The following CTNNA3 variants were observed in gnomAD, a reference collection of about 807,000 sequenced individuals.
CTNNA3 encodes the protein catenin alpha-3.
In CTNNA3, 76 loss-of-function variants were observed where a neutral mutation model predicts 95.7. The observed-to-expected ratio is 0.79, with a 90% CI of 0.66 to 0.96. The LOEUF (loss-of-function observed/expected upper bound fraction) is 0.96. Among genes scored for constraint, CTNNA3 ranks in the 40% least tolerant of loss-of-function variants. The pLI is 0.00. For synonymous variants in CTNNA3, 431 were observed against 374.4 expected, an observed-to-expected ratio of 1.15 and a Z score of -1.74; for missense variants, 1,191 against 1,089.8, an observed-to-expected ratio of 1.09 and a Z score of -1.31.
At chr10:66,844,812 G>T (rs1843189191) in intron 7 of CTNNA3, among the ~76,000 whole-genome samples, 1 of 152,072 alleles carries the variant, frequency 6.6e-6, no homozygotes, top group Non-Finnish European at 1.5e-5. Context: ...ACAAACACTT[G>T]TTTGCAATAT....
intron 3 of CTNNA3, among the ~76,000 whole-genome samples, chr10:67,590,698 C>A (rs1189042091): frequency 2.0e-4 from 30 of 151,960 alleles, no homozygotes; most frequent in Admixed American, 2.0e-3. Flanking sequence ...CTGTGAAATT[C>A]TTTTCGGGCC....
intron 9 of CTNNA3, among the ~76,000 whole-genome samples, chr10:66,684,544 T>A (rs1349286707): frequency 6.6e-6 from 1 of 152,176 alleles, no homozygotes; most frequent in Non-Finnish European, 1.5e-5. Flanking sequence ...GTGCTTTCTT[T>A]TTCAGCAGTC....
chr10:67,125,033 C>T (rs1859652165), intron 7 of CTNNA3, among the ~76,000 whole-genome samples: 1 of 152,202 alleles, frequency 6.6e-6, no homozygotes, highest in Admixed American at 6.5e-5. Context: ...TCTGCTGGAA[C>T]TGCAGTGCCT....
At chr10:66,489,971 A>T (rs1839867649) in intron 11 of CTNNA3, among the ~76,000 whole-genome samples, 1 of 152,212 alleles carries the variant, frequency 6.6e-6, no homozygotes, top group Non-Finnish European at 1.5e-5. Flanking sequence ...TTTTGAGTAA[A>T]CAATGTTGGC....
At chr10:66,367,781 C>T (rs1209160644) in intron 12 of CTNNA3, among the ~76,000 whole-genome samples, 1 of 147,838 alleles carries the variant, frequency 6.8e-6, no homozygotes, top group Non-Finnish European at 1.5e-5. Flanking sequence ...CAGAGGATAG[C>T]GAATTGCTTT....
At chr10:67,546,744 A>G (rs1209857583) in intron 3 of CTNNA3, among the ~76,000 whole-genome samples, 1 of 152,216 alleles carries the variant, frequency 6.6e-6, no homozygotes, top group East Asian at 1.9e-4. Context: ...TTCTTGATGT[A>G]AATTTAATTC....
chr10:66,901,630 C>A (rs531738120), intron 7 of CTNNA3, among the ~76,000 whole-genome samples: 1 of 152,188 alleles, frequency 6.6e-6, no homozygotes, highest in South Asian at 2.1e-4. Context: ...TTCAGGAGAC[C>A]CACCTCATGT....
At chr10:67,536,088 T>G (rs1840478883) in intron 4 of CTNNA3, among the ~76,000 whole-genome samples, 4 of 151,958 alleles carry the variant, frequency 2.6e-5, no homozygotes, top group Admixed American at 1.3e-4. Context: ...GACTGAAAAT[T>G]TCAGCAGGAA....
chr10:66,973,787 C>A (rs1213404261), intron 7 of CTNNA3, among the ~76,000 whole-genome samples: 1 of 152,070 alleles, frequency 6.6e-6, no homozygotes, highest in East Asian at 1.9e-4. Context: ...CCATGCCCAG[C>A]TAATTTTTTG....
intron 5 of CTNNA3, among the ~76,000 whole-genome samples, chr10:67,466,367 A>G (rs1191290672): frequency 6.6e-6 from 1 of 152,210 alleles, no homozygotes; most frequent in Non-Finnish European, 1.5e-5. Context: ...AGCTTTCTAC[A>G]TGCAGTCAAA....
At chr10:67,562,074 G>C (rs1035908110) in intron 3 of CTNNA3, among the ~76,000 whole-genome samples, 3 of 152,176 alleles carry the variant, frequency 2.0e-5, no homozygotes, top group African/African-American at 7.2e-5. Flanking sequence ...GGAGGAATTG[G>C]TACCATTCTT....
intron 15 of CTNNA3, among the ~76,000 whole-genome samples, chr10:66,038,671 A>T (rs1375892385): frequency 2.0e-5 from 3 of 152,212 alleles, no homozygotes; most frequent in African/African-American, 4.8e-5. Context: ...ACTTTAAAAA[A>T]ATGCAAATTA....
At chr10:66,789,193 G>A (rs144751626) in intron 7 of CTNNA3, among the ~76,000 whole-genome samples, 386 of 151,938 alleles carry the variant, frequency 2.5e-3, no homozygotes, top group Non-Finnish European at 4.4e-3. Context: ...TTTTGTTGTT[G>A]TTTTTTAAGT....
In CTNNA3 at chr10:66,313,660, C is replaced by A. The variant is rs570678183; in HGVS notation, c.1733-33039G>T. Among the ~76,000 whole-genome samples the A allele has an allele frequency of 2.2e-4, 33 of 152,290 alleles. No individual in the cohort carries two copies. In the East Asian group the frequency reaches 5.6e-3, roughly 26 times the overall value. On this transcript the variant is annotated intron_variant, in intron 12 of 17. Transcript: ENST00000433211. ...GAGTAGCAACTTCTTTACTTGATTA[C>A]TTATTATTTGTCTTTCTCTCAAGCC...
rs539990209 is a variant in CTNNA3 at position 66,695,033 on chromosome 10, T to C, written c.1281+71231A>G. Among the ~76,000 whole-genome samples, 7 of 152,306 alleles carry C rather than the reference T, an allele frequency of 4.6e-5. No individual in the cohort carries two copies. In the East Asian group the frequency reaches 1.4e-3, roughly 29 times the overall value. On this transcript the variant is annotated intron_variant, in intron 9 of 17. Coordinates refer to ENST00000433211, the MANE Select transcript of CTNNA3 (RefSeq NM_013266.4). ...ATTTGGCTATTTACTAACTATAAAA[T>C]ATACAACTGCTGAAAGCTCGATGGC...
chr10:67,283,286 AG>A (rs1839468915), intron 5 of CTNNA3, among the ~76,000 whole-genome samples: 2 of 152,218 alleles, frequency 1.3e-5, no homozygotes, highest in African/African-American at 2.4e-5. Context: ...AGCCAGTGCC[AG>A]GAAAAGGCAG....
At chr10:65,959,521 C>A (rs2077799582) in intron 17 of CTNNA3, among the ~76,000 whole-genome samples, 1 of 152,080 alleles carries the variant, frequency 6.6e-6, no homozygotes, top group African/African-American at 2.4e-5. Context: ...ATCTTGGAAC[C>A]TCCTCCCTTT....
At chr10:66,695,918 G>T (rs372486313) in intron 9 of CTNNA3, among the ~76,000 whole-genome samples, 4 of 142,010 alleles carry the variant, frequency 2.8e-5, no homozygotes, top group African/African-American at 1.0e-4. Flanking sequence ...GAGACGTAAG[G>T]GGGGGGGGCA....
rs553455676 is a variant in CTNNA3 at position 66,988,566 on chromosome 10, C to A, written c.1047+191751G>T. On this transcript the variant is annotated intron_variant, in intron 7 of 17. Transcript: ENST00000433211. ...TTCTGAATTTAAATCTATTTTTAGA[C>A]CTGCATGCATTATTTTATATAGTAT... Among the ~76,000 whole-genome samples, 14 of 152,160 alleles carry A rather than the reference C, an allele frequency of 9.2e-5. 2 individuals are homozygous for A. The highest frequency in any genetic ancestry group is 3.4e-3 in the Middle Eastern group (1 of 294).
Sources: gnomAD v4.1 joint callset for allele counts (sites outside exome capture counted in the v4.1 genomes callset) on GRCh38, gnomAD v4.1.1 for gene constraint, MANE v1.5 for transcripts, NCBI Gene and HGNC (gene_info 2026-07-23, HGNC 2026-07-21) for gene names.